Variants in SLC39A11 observed in about 807,000 individuals in gnomAD.
SLC39A11 encodes zinc transporter ZIP11.
Under a neutral mutation model 36.1 loss-of-function variants are expected in SLC39A11, and 33 were observed. That is an observed-to-expected ratio of 0.91 (90% CI 0.69 to 1.22). The LOEUF (loss-of-function observed/expected upper bound fraction) is 1.22. SLC39A11 is among the 50% of genes most tolerant of loss of function. The probability of loss-of-function intolerance (pLI) is 0.00; values close to 1 mark genes in which losing one functional copy is unlikely to be tolerated. For synonymous variants in SLC39A11, 166 were observed against 170.3 expected, an observed-to-expected ratio of 0.97 and a Z score of 0.20; for missense variants, 432 against 430.3, an observed-to-expected ratio of 1.00 and a Z score of -0.03.
chr17:73,083,462 C>T (rs2060617262), intron 3 of SLC39A11, among the ~76,000 whole-genome samples: 1 of 152,140 alleles, frequency 6.6e-6, no homozygotes, highest in Admixed American at 6.5e-5. Flanking sequence ...AGAAAGAAAC[C>T]AAACCCTGAT....
Position 72,647,761 on chromosome 17 carries a change from G to C in SLC39A11, c.930-99C>G, listed in dbSNP as rs935713101. On this transcript the variant is annotated intron_variant, in intron 9 of 9. Transcript: ENST00000255559. ...CTGCAATGTCCAATTCCAAGAGAAA[G>C]CACACTACCATTAATAATGGTAACA... is the stretch of plus-strand genomic sequence containing the variant. 9.2e-6 allele frequency: 8 copies of C among 870,514 alleles called. No homozygotes were observed. In the African/African-American group the frequency reaches 1.3e-4, roughly 15 times the overall value. 53.9% of individuals were successfully genotyped at this position (870,514 alleles called of 1,614,324 possible).
At chr17:72,857,016 T>C (rs543827059) in intron 5 of SLC39A11, among the ~76,000 whole-genome samples, 1 of 152,330 alleles carries the variant, frequency 6.6e-6, no homozygotes, top group Admixed American at 6.5e-5. Context: ...GGGCTACATG[T>C]GCAGGTTTGT....
intron 4 of SLC39A11, among the ~76,000 whole-genome samples, chr17:72,993,245 A>G (rs2089297299): frequency 6.6e-6 from 1 of 152,212 alleles, no homozygotes. Context: ...TGATTATTGT[A>G]AAGATTACAC....
chr17:72,948,332 C>G (rs2085583400), intron 4 of SLC39A11, among the ~76,000 whole-genome samples: 1 of 151,728 alleles, frequency 6.6e-6, no homozygotes, highest in Non-Finnish European at 1.5e-5. Context: ...CCACTGCAAG[C>G]GTCATCGCCG....
intron 3 of SLC39A11, among the ~76,000 whole-genome samples, chr17:73,066,902 C>T (rs2060011919): frequency 6.6e-6 from 1 of 152,172 alleles, no homozygotes; most frequent in South Asian, 2.1e-4. Flanking sequence ...CATTCATGAT[C>T]CCAAAAGTCC....
chr17:73,029,943 C>CA (rs1399691663), intron 4 of SLC39A11, among the ~76,000 whole-genome samples: 3 of 152,200 alleles, frequency 2.0e-5, no homozygotes, highest in Non-Finnish European at 4.4e-5. Context: ...TGGTCCCCAA[C>CA]CTTTTTGGCA....
intron 6 of SLC39A11, among the ~76,000 whole-genome samples, chr17:72,740,120 T>C (rs1376487105): frequency 1.5e-5 from 2 of 135,264 alleles, no homozygotes; most frequent in Non-Finnish European, 3.1e-5. Flanking sequence ...TGGAGTGCAG[T>C]GGCGCCATTT....
At chr17:72,714,919 T>C (rs1424851420) in intron 7 of SLC39A11, among the ~76,000 whole-genome samples, 1 of 152,206 alleles carries the variant, frequency 6.6e-6, no homozygotes, top group Non-Finnish European at 1.5e-5. Context: ...CAGCAGTTGG[T>C]GGAAAAGCAT....
At chr17:72,843,416 G>A (rs1004872400) in intron 6 of SLC39A11, among the ~76,000 whole-genome samples, 3 of 152,110 alleles carry the variant, frequency 2.0e-5, no homozygotes, top group African/African-American at 7.2e-5. Flanking sequence ...TAGGATGGTG[G>A]GGACTTAGGG....
chr17:72,720,403 T>C (rs2714033), intron 7 of SLC39A11, among the ~76,000 whole-genome samples: 2,151 of 149,482 alleles, frequency 0.014, 54 homozygotes, highest in African/African-American at 0.048. Context: ...GGACCTGGGC[T>C]CCGAGTAGCC....
At chr17:72,687,822 G>A (rs568046084) in intron 7 of SLC39A11, among the ~76,000 whole-genome samples, 1 of 152,328 alleles carries the variant, frequency 6.6e-6, no homozygotes, top group South Asian at 2.1e-4. Context: ...TGTTGAACCT[G>A]CAAAATCTTT....
chr17:73,072,989 G>A (rs1361878608), intron 3 of SLC39A11, among the ~76,000 whole-genome samples: 2 of 152,164 alleles, frequency 1.3e-5, no homozygotes, highest in Admixed American at 1.3e-4. Context: ...AGACCAGCCT[G>A]GCCAACATGG....
chr17:72,775,315 T>A (rs1049517648), intron 6 of SLC39A11, among the ~76,000 whole-genome samples: 2 of 152,142 alleles, frequency 1.3e-5, no homozygotes, highest in Non-Finnish European at 2.9e-5. Context: ...GGCAGCTGCA[T>A]CAGCATCATC....
At chr17:72,855,158 C>T (rs2079571988) in intron 5 of SLC39A11, among the ~76,000 whole-genome samples, 1 of 152,170 alleles carries the variant, frequency 6.6e-6, no homozygotes, top group African/African-American at 2.4e-5. Context: ...AATACACAGA[C>T]CATTTTGAAA....
intron 5 of SLC39A11, among the ~76,000 whole-genome samples, chr17:72,907,848 G>A (rs531001648): frequency 5.1e-4 from 77 of 152,332 alleles, no homozygotes; most frequent in African/African-American, 1.4e-3. Context: ...CACAGACTGC[G>A]GTGCACAGCA....
intron 3 of SLC39A11, among the ~76,000 whole-genome samples, chr17:73,043,762 G>T (rs569438546): frequency 1.3e-5 from 2 of 152,246 alleles, no homozygotes; most frequent in East Asian, 3.9e-4. Context: ...CCAGAATGAG[G>T]CTGCCCATGT....
At chr17:72,928,073 A>C (rs1217922338) in intron 5 of SLC39A11, among the ~76,000 whole-genome samples, 2 of 152,250 alleles carry the variant, frequency 1.3e-5, no homozygotes, top group African/African-American at 2.4e-5. Context: ...TACAAAGAGG[A>C]GGATCCCAGG....
rs1240455742 is a variant in SLC39A11, at chr17:72,951,795, T to C, written c.307-3920A>G. Among the ~76,000 whole-genome samples, 3 of 152,170 alleles carry C rather than the reference T, an allele frequency of 2.0e-5. No homozygotes were observed. In the East Asian group the frequency reaches 5.8e-4, roughly 29 times the overall value. On this transcript the variant is annotated intron_variant, in intron 4 of 9. Coordinates refer to ENST00000255559, the MANE Select transcript of SLC39A11 (RefSeq NM_139177.4). The stretch of plus-strand genomic sequence containing the variant: ...ATTAACTGTAAAGACAGTGTTCCTT[T>C]AGGGAAGATGCCAAGAGAGGTCTTT...
In SLC39A11 at chr17:72,853,488, G is replaced by A. The variant is rs79332317; in HGVS notation, c.431-3684C>T. Among the ~76,000 whole-genome samples, 1,488 of 152,022 alleles carry A rather than the reference G, an allele frequency of 9.8e-3. 24 individuals carry two copies. Among genetic ancestry groups the A allele is most frequent in the African/African-American group, 0.034 (1,402 of 41,430 alleles). On this transcript the variant is annotated intron_variant, in intron 5 of 9. Transcript: ENST00000255559. Reference sequence around the variant, plus strand: ...CTACTCTGAATCTCCTGCAGATACCGCACAGAGAGCAACAGACCTCGGACG... The same window carrying A: ...CTACTCTGAATCTCCTGCAGATACCACACAGAGAGCAACAGACCTCGGACG...
Sources: gnomAD v4.1 joint callset for allele counts (sites outside exome capture counted in the v4.1 genomes callset) on GRCh38, gnomAD v4.1.1 for gene constraint, MANE v1.5 for transcripts, NCBI Gene and HGNC (gene_info 2026-07-23, HGNC 2026-07-21) for gene names.